Variants in CD6 observed in about 807,000 individuals in gnomAD.
CD6 encodes the protein T-cell differentiation antigen CD6.
In CD6, 53 loss-of-function variants were observed where a neutral mutation model predicts 75.3. That is an observed-to-expected ratio of 0.70 (90% CI 0.56 to 0.88). CD6 has a LOEUF of 0.88. CD6 is among the 40% of genes least tolerant of loss of function. CD6 has a pLI of 0.00. For missense variants in CD6, 770 were observed against 897.1 expected (o/e 0.86, Z 1.81); for synonymous variants, 359 against 381.5 (o/e 0.94, Z 0.69).
At chr11:60,983,831 T>C (rs895798547) in intron 1 of CD6, among the ~76,000 whole-genome samples, 5 of 152,240 alleles carry the variant, frequency 3.3e-5, no homozygotes. Flanking sequence ...TCTATTCTCC[T>C]TGAATCTGGA....
intron 1 of CD6, among the ~76,000 whole-genome samples, chr11:60,999,190 A>T (rs1349794536): frequency 6.6e-6 from 1 of 151,504 alleles, no homozygotes; most frequent in Non-Finnish European, 1.5e-5. Flanking sequence ...AGGAAGGAAA[A>T]CTTATTAATA....
chr11:60,989,243 T>C (rs1449496334), intron 1 of CD6: 2 of 152,198 alleles, frequency 1.3e-5, no homozygotes, highest in African/African-American at 4.8e-5. Flanking sequence ...CTTTGTAAAA[T>C]GGGTTTCATA....
chr11:60,984,505 G>A (rs1857715755), intron 1 of CD6, among the ~76,000 whole-genome samples: 1 of 152,152 alleles, frequency 6.6e-6, no homozygotes, highest in African/African-American at 2.4e-5. Flanking sequence ...TTACAGTTTT[G>A]CCATTCATTT....
chr11:60,978,769 G>T (rs987449515), intron 1 of CD6, among the ~76,000 whole-genome samples: 5 of 152,172 alleles, frequency 3.3e-5, no homozygotes, highest in African/African-American at 1.2e-4. Flanking sequence ...GCAGACGCGG[G>T]TTCTGAATTG....
At chr11:61,006,317 C>T (rs574086923) in intron 1 of CD6, among the ~76,000 whole-genome samples, 1 of 152,316 alleles carries the variant, frequency 6.6e-6, no homozygotes, top group East Asian at 1.9e-4. Flanking sequence ...CACTGCCTTT[C>T]CTCCCTGTTC....
chr11:60,981,783 C>T (rs1165017089), intron 1 of CD6, among the ~76,000 whole-genome samples: 3 of 152,120 alleles, frequency 2.0e-5, no homozygotes, highest in African/African-American at 4.8e-5. Flanking sequence ...CTGAAAATGG[C>T]GGCTGAGAGA....
At chr11:60,981,855 G>A (rs1284275021) in intron 1 of CD6, among the ~76,000 whole-genome samples, 1 of 152,148 alleles carries the variant, frequency 6.6e-6, no homozygotes, top group Non-Finnish European at 1.5e-5. Context: ...TGGTCCCTGG[G>A]AGATGCTGAG....
At chr11:61,002,036 G>T (rs998786734) in intron 1 of CD6, among the ~76,000 whole-genome samples, 1 of 152,142 alleles carries the variant, frequency 6.6e-6, no homozygotes, top group Non-Finnish European at 1.5e-5. Flanking sequence ...CACAGAGGGG[G>T]TTTTTTGGCC....
At chr11:60,997,937 G>A (rs1419354317) in intron 1 of CD6, among the ~76,000 whole-genome samples, 3 of 152,174 alleles carry the variant, frequency 2.0e-5, no homozygotes, top group Admixed American at 1.3e-4. Context: ...TTCCCTCCGA[G>A]TGGGGCTGAG....
In CD6 at chr11:61,006,589, C is replaced by T. The variant is rs766424297; in HGVS notation, c.65C>T (p.Ala22Val). 6.2e-7 allele frequency: 1 copy of T among 1,608,684 alleles called. No individual in the cohort carries two copies. The highest frequency in any genetic ancestry group is 1.1e-5 in the South Asian group (1 of 89,378). ...TAALSGHPSPAPPDQLNTSSA... is the reference protein window; with the variant it reads ...TAALSGHPSPVPPDQLNTSSA... The stretch of plus-strand genomic sequence containing the variant: ...TTCATTTCAGGTCATCCATCTCCAG[C>T]CCCACCTGACCAGCTCAACACCAGC... Residue 22 changes from alanine (A) to valine (V), a missense_variant, in exon 2 of 13, where the codon GCC (alanine) becomes GTC (valine). Coordinates refer to ENST00000313421, the MANE Select transcript of CD6 (RefSeq NM_006725.5).
intron 1 of CD6, among the ~76,000 whole-genome samples, chr11:61,000,925 C>T (rs1028075917): frequency 5.9e-5 from 9 of 152,160 alleles, no homozygotes; most frequent in African/African-American, 2.2e-4. Context: ...CCGCCTCCTT[C>T]CTGGGCTGGG....
At chr11:60,988,398 C>T (rs945443904) in intron 1 of CD6, among the ~76,000 whole-genome samples, 14 of 152,196 alleles carry the variant, frequency 9.2e-5, no homozygotes, top group African/African-American at 2.7e-4. Flanking sequence ...CTGTTAAGGA[C>T]GCAAGGTGGC....
At chr11:61,017,672 A>G (rs951952502) in intron 10 of CD6, 87 bp from the exon 11 acceptor site, 18 of 1,588,542 alleles carry the variant, frequency 1.1e-5, no homozygotes, top group African/African-American at 1.3e-5. Flanking sequence ...CACAAATCCT[A>G]TAGGCAGTAA....
In CD6 at chr11:61,009,724, G is replaced by C. The variant is rs1859055541; in HGVS notation, c.934G>C (p.Val312Leu). ...CCAGTCCTTGGGCTGTGGAACTGCGGTTGAGAGGCCCAAGGGGCTGCCCCA... is the reference window on the plus strand; with the variant it reads ...CCAGTCCTTGGGCTGTGGAACTGCGCTTGAGAGGCCCAAGGGGCTGCCCCA... ...LCQSLGCGTA[V>L]ERPKGLPHSL... is the part of the protein sequence containing the mutation. Residue 312 changes from valine to leucine, a missense_variant, in exon 5 of 13, where the codon GTT becomes CTT. Coordinates refer to ENST00000313421, the MANE Select transcript of CD6 (RefSeq NM_006725.5). 2 of 1,614,118 alleles carry C rather than the reference G, an allele frequency of 1.2e-6. No homozygotes were observed. The highest frequency in any genetic ancestry group is 1.1e-5 in the South Asian group (1 of 91,082).
chr11:61,015,466 G>A (rs1859355342), intron 8 of CD6: 1 of 453,238 alleles, frequency 2.2e-6, no homozygotes, highest in Non-Finnish European at 4.0e-6. Context: ...AGCTACTCGG[G>A]AGGCTGAGGT....
intron 1 of CD6, among the ~76,000 whole-genome samples, chr11:60,981,849 C>T (rs1857570755): frequency 6.6e-6 from 1 of 151,992 alleles, no homozygotes; most frequent in African/African-American, 2.4e-5. Flanking sequence ...GGTCTCTGGT[C>T]CCTGGGAGAT....
chr11:60,994,289 A>C (rs958302993), intron 1 of CD6, among the ~76,000 whole-genome samples: 1 of 151,660 alleles, frequency 6.6e-6, no homozygotes, highest in Admixed American at 6.6e-5. Context: ...AAAATACAAA[A>C]AATTAGCCAG....
Position 61,007,774 on chromosome 11 carries a change from G to C in CD6, c.333G>C (p.Gly111=). 1 of 1,469,410 alleles carries C rather than the reference G, an allele frequency of 6.8e-7. No individual in the cohort carries two copies. Among genetic ancestry groups the C allele is most frequent in the East Asian group, 3.0e-5 (1 of 33,346 alleles). The allele number at this position is 1,469,410 out of a possible 1,614,324, so 91.0% of individuals were successfully genotyped here. ...TPELPPPPAA[G]NTSVAANATL... Reference sequence around the variant, plus strand: ...AGCTGCCGCCCCCGCCTGCAGCCGGGAACACCAGCGTAGCAGCTAATGCCA... The same window carrying C: ...AGCTGCCGCCCCCGCCTGCAGCCGGCAACACCAGCGTAGCAGCTAATGCCA... Residue 111 remains glycine, a synonymous_variant, in exon 3 of 13, where the codon GGG becomes GGC. Transcript: ENST00000313421. The surrounding 1 kb of genome is among the most constrained non-coding windows in gnomAD (Gnocchi z 4.2).
At position 61,011,126 on chromosome 11, in the gene CD6, G is replaced by C; in HGVS notation, c.1141G>C (p.Val381Leu). 2.5e-6 allele frequency: 4 copies of C among 1,613,882 alleles called. No homozygotes were observed. Among genetic ancestry groups the C allele is most frequent in the Non-Finnish European group, 3.4e-6 (4 of 1,179,880 alleles). ...CGAAGTCCCTGCAAGTGTTCAGACA[G>C]TCACTATAGGTAAGTGTTGCTGGGT... ...TPEVPASVQTVTIESSVTVKI... is the reference protein window; with the variant it reads ...TPEVPASVQTLTIESSVTVKI... The change falls in exon 6 of 13, where the codon GTC becomes CTC. Residue 381 changes from valine to leucine, a missense_variant. By Grantham distance (32) the Val-to-Leu change is conservative. Transcript: ENST00000313421.
Sources: allele counts gnomAD v4.1 joint callset (sites outside exome capture counted in the v4.1 genomes callset), GRCh38; gene constraint gnomAD v4.1.1; non-coding constraint Gnocchi (gnomAD v3.1); transcripts MANE v1.5; gene names NCBI Gene and HGNC (gene_info 2026-07-23, HGNC 2026-07-21).